ANKRD27: variants seen among roughly 807,000 people sequenced by gnomAD.
ANKRD27 encodes the protein ankyrin repeat domain 27.
ANKRD27 carries 112 observed loss-of-function variants against 129.7 expected under a neutral mutation model. That is an observed-to-expected ratio of 0.86 (90% confidence interval 0.74 to 1.01). The LOEUF (loss-of-function observed/expected upper bound fraction) is 1.01. Among genes scored for constraint, ANKRD27 ranks in the 50% least tolerant of loss-of-function variants. The pLI is 0.00. For synonymous variants in ANKRD27, 516 were observed against 511.2 expected (o/e 1.01, Z -0.13); for missense variants, 1,258 against 1,300.5 (o/e 0.97, Z 0.50).
chr19:32,648,610 C>T (rs1176003037), intron 3 of ANKRD27, among the ~76,000 whole-genome samples: 1 of 152,076 alleles, frequency 6.6e-6, no homozygotes, highest in African/African-American at 2.4e-5. Flanking sequence ...ACCATACTGG[C>T]TAACATGGTG....
chr19:32,617,080 T>TC lies in ANKRD27; in HGVS notation c.2052+508_2052+509insG, dbSNP rs1971931703. ...CCCACACTCGCTATGTGCCTGTATG[T>TC]TGATCTGCCTCATTACTTGTCAGGA... On this transcript the variant is annotated intron_variant, in intron 21 of 28. Transcript: ENST00000306065. 7.2e-5 allele frequency among the ~76,000 whole-genome samples: 11 copies of TC among 152,328 alleles called. No individual in the cohort carries two copies. In the South Asian group the frequency reaches 2.3e-3, roughly 32 times the overall value.
chr19:32,625,936 C>T lies in ANKRD27; in HGVS notation c.1567G>A (p.Glu523Lys), dbSNP rs780814458. 5.6e-6 allele frequency: 9 copies of T among 1,611,040 alleles called. No homozygotes were observed. In the South Asian group the frequency reaches 1.0e-4, roughly 18 times the overall value. Residue 523 changes from glutamate (E) to lysine (K), a missense_variant, in exon 17 of 29, where the codon GAA (glutamate) becomes AAA (lysine). Glu to Lys is a moderately conservative substitution (Grantham distance 56). Coordinates refer to ENST00000306065, the MANE Select transcript of ANKRD27 (RefSeq NM_032139.3). The stretch of plus-strand genomic sequence containing the variant: ...GTATTCCCATTGTTGTCCTGCACTT[C>T]CGCGCTGGCCTTGTAGTGCAGCAGC... The part of the protein sequence containing the change: ...LLLLHYKASA[E>K]VQDNNGNTPL...
chr19:32,653,191 G>A (rs1410369569), intron 2 of ANKRD27, among the ~76,000 whole-genome samples: 1 of 152,088 alleles, frequency 6.6e-6, no homozygotes, highest in African/African-American at 2.4e-5. Context: ...ACGGCTTGTT[G>A]GAAGCATCTA....
At chr19:32,603,056 C>G (rs1288994070) in intron 25 of ANKRD27, among the ~76,000 whole-genome samples, 1 of 151,984 alleles carries the variant, frequency 6.6e-6, no homozygotes, top group Non-Finnish European at 1.5e-5. Context: ...CCCAGCACTT[C>G]GGGATGCCAA....
intron 15 of ANKRD27, 45 bp downstream of exon 15, chr19:32,628,038 C>T (rs1487298538): frequency 2.5e-6 from 4 of 1,578,292 alleles, no homozygotes; most frequent in Non-Finnish European, 2.6e-6. Flanking sequence ...TGGGCACCAT[C>T]CCTTTGCTGT....
chr19:32,651,363 T>C (rs1034960840), intron 2 of ANKRD27, among the ~76,000 whole-genome samples: 13 of 152,112 alleles, frequency 8.5e-5, no homozygotes, highest in Non-Finnish European at 1.9e-4. Context: ...ATGTGGCCTC[T>C]GGGAAGCAGG....
intron 28 of ANKRD27, among the ~76,000 whole-genome samples, chr19:32,598,596 T>C (rs548505361): frequency 6.6e-6 from 1 of 152,298 alleles, no homozygotes; most frequent in Admixed American, 6.5e-5. Flanking sequence ...TCTTTATGAC[T>C]CTAGGAGGCA....
At position 32,614,182 on chromosome 19, in the gene ANKRD27, A is replaced by G. The variant is rs575532375; in HGVS notation, c.2175+1476T>C. ...GGTGACAGACACATGCTGCGTCTTG[A>G]TGGTGGTGATGGCTTCACAGGTTTT... On this transcript the variant is annotated intron_variant, in intron 22 of 28. Transcript: ENST00000306065. Among the ~76,000 whole-genome samples the G allele has an allele frequency of 7.2e-5, 11 of 152,178 alleles. No individual in the cohort carries two copies. In the South Asian group the frequency reaches 2.3e-3, roughly 32 times the overall value.
chr19:32,619,124 A>G, intron 20 of ANKRD27, 136 bp downstream of exon 20: 1 of 1,229,422 alleles, frequency 8.1e-7, no homozygotes, highest in Non-Finnish European at 1.1e-6. Flanking sequence ...CTCGGCCACC[A>G]CAGAGCAGCA....
At chr19:32,642,211 A>ATGTTACGGC in intron 9 of ANKRD27, 66 bp from the exon 10 acceptor site, 1 of 1,418,314 alleles carries the variant, frequency 7.1e-7, no homozygotes. Flanking sequence ...CCTGGATCTA[A>ATGTTACGGC]GAACACATCT....
intron 26 of ANKRD27, 133 bp from the exon 27 acceptor site, chr19:32,600,183 AAGAAAC>A: frequency 1.2e-5 from 8 of 675,938 alleles, no homozygotes. Context: ...AATTTGCTTA[AAGAAAC>A]ACAGCTAGTA....
intron 14 of ANKRD27, 121 bp from the exon 15 acceptor site, chr19:32,628,286 ATG>A: frequency 2.6e-6 from 2 of 764,698 alleles, no homozygotes; most frequent in African/African-American, 1.7e-5. Context: ...CACCCAAGAG[ATG>A]TGTGTCTCCG....
chr19:32,611,007 A>G (rs1340753016), intron 22 of ANKRD27, among the ~76,000 whole-genome samples: 3 of 151,952 alleles, frequency 2.0e-5, no homozygotes, highest in Non-Finnish European at 2.9e-5. Context: ...ATAAAATAAA[A>G]TAAAATAAAT....
At chr19:32,618,058 G>C (rs1229835688) in intron 20 of ANKRD27, among the ~76,000 whole-genome samples, 1 of 152,036 alleles carries the variant, frequency 6.6e-6, no homozygotes, top group Admixed American at 6.6e-5. Flanking sequence ...ACGCCCGGCT[G>C]ATTTAGTATC....
chr19:32,644,458 T>C lies in ANKRD27; in HGVS notation c.392A>G (p.Asp131Gly), dbSNP rs570180051. 5 of 1,613,834 alleles carry C rather than the reference T, an allele frequency of 3.1e-6. No homozygotes were observed. The highest frequency in any genetic ancestry group is 2.7e-5 in the African/African-American group (2 of 75,050). Residue 131 changes from aspartate (D) to glycine (G), a missense_variant, in exon 5 of 29, where the codon GAT (aspartate) becomes GGT (glycine). Transcript: ENST00000306065. ...TTCAATGGTTTTCAGGGAAAAGGGA[T>C]CTGAGGGTGCCAAAGGCTCTTCTGA... ...ESSEEPLAPS[D>G]PFSLKTIEDV...
chr19:32,633,744 A>C (rs758472699), intron 12 of ANKRD27, among the ~76,000 whole-genome samples: 5 of 151,130 alleles, frequency 3.3e-5, no homozygotes, highest in Admixed American at 6.6e-5. Context: ...AATGTTGAGC[A>C]GGTGTGGTGG....
rs978080604 is a variant in ANKRD27, at chr19:32,642,950, C to G, written c.782+173G>C. On this transcript the variant is annotated intron_variant, in intron 9 of 28. Transcript: ENST00000306065. Reference sequence around the variant, plus strand: ...AGTGTGGGAGGGGGACGGCCACACACAGTCACCTATAAAGGGCAGCCCTTT... The same window carrying G: ...AGTGTGGGAGGGGGACGGCCACACAGAGTCACCTATAAAGGGCAGCCCTTT... The G allele has an allele frequency of 1.1e-5, 7 of 658,500 alleles. No individual in the cohort carries two copies. In the African/African-American group the frequency reaches 1.3e-4, roughly 12 times the overall value. 40.8% of individuals were successfully genotyped at this position (658,500 alleles called of 1,614,324 possible).
chr19:32,659,132 TCTTTTTC>T, intron 1 of ANKRD27, 87 bp from the exon 2 acceptor site: 1 of 531,110 alleles, frequency 1.9e-6, no homozygotes, highest in Non-Finnish European at 3.2e-6. Context: ...TCTGGCATTT[TCTTTTTC>T]TTTTTTTTTT....
chr19:32,661,969 C>T (rs1184456112), intron 1 of ANKRD27, among the ~76,000 whole-genome samples: 1 of 152,270 alleles, frequency 6.6e-6, no homozygotes, highest in Admixed American at 6.5e-5. Flanking sequence ...ATTGGCATGC[C>T]TATCCTCTGG....
Sources: allele counts gnomAD v4.1 joint callset (sites outside exome capture counted in the v4.1 genomes callset), GRCh38; gene constraint gnomAD v4.1.1; transcripts MANE v1.5; gene names NCBI Gene and HGNC (gene_info 2026-07-23, HGNC 2026-07-21).